Variants in NFRKB observed in about 807,000 individuals in gnomAD.
The protein encoded by NFRKB is nuclear factor related to kappa-B-binding protein.
Under a neutral mutation model 135.7 loss-of-function variants are expected in NFRKB, and 62 were observed. That is an observed-to-expected ratio of 0.46 (90% CI 0.37 to 0.56). The LOEUF is 0.56. Among genes scored for constraint, NFRKB ranks in the 20% least tolerant of loss-of-function variants. The probability of loss-of-function intolerance (pLI) is 0.00; values close to 1 mark genes in which losing one functional copy is unlikely to be tolerated. For synonymous variants in NFRKB, 678 were observed against 635.6 expected (o/e 1.07, Z -1.00); for missense variants, 1,545 against 1,662.0 (o/e 0.93, Z 1.22).
rs1030467 is a variant in NFRKB, at chr11:129,874,357, T to C, written c.2059-24A>G. On this transcript the variant is annotated intron_variant, in intron 20 of 26. Coordinates refer to ENST00000682444, the MANE Select transcript of NFRKB (RefSeq NM_001143835.2). The surrounding 1 kb of genome is among the most constrained non-coding windows in gnomAD (Gnocchi z 4.5). The stretch of plus-strand genomic sequence containing the variant: ...TTCTAGAACGGAAGACAAAGAAAAC[T>C]CACCTGGTGTCGTGAAGATCCCCCT... 230,615 of 1,517,570 alleles carry C rather than the reference T, an allele frequency of 0.15. 18,759 individuals carry two copies. Among genetic ancestry groups the C allele is most frequent in the African/African-American group, 0.31 (22,267 of 71,576 alleles). The allele number at this position is 1,517,570 out of a possible 1,614,324, so 94.0% of individuals were successfully genotyped here.
intron 13 of NFRKB, among the ~76,000 whole-genome samples, chr11:129,879,782 C>T (rs1408957335): frequency 6.6e-6 from 1 of 152,312 alleles, no homozygotes; most frequent in Non-Finnish European, 1.5e-5. Flanking sequence ...CTGTGCCCTG[C>T]ACCACACACA....
rs113777122 is a variant in NFRKB, at chr11:129,893,745, T to C, written c.-22+614A>G. Among the ~76,000 whole-genome samples the C allele has an allele frequency of 1.6e-3, 249 of 152,300 alleles. 1 individual carries two copies. Among genetic ancestry groups the C allele is most frequent in the African/African-American group, 5.8e-3 (241 of 41,554 alleles). ...CCTACAACTGTGCAAAGTAAGGTCA[T>C]GGGTTATTACATCGGAATTAAAACT... On this transcript the variant is annotated intron_variant, in intron 2 of 26. Transcript: ENST00000682444.
chr11:129,887,388 C>A (rs1390631201), intron 4 of NFRKB, among the ~76,000 whole-genome samples: 5 of 152,186 alleles, frequency 3.3e-5, no homozygotes. Context: ...ACCGCAGACA[C>A]CCCTTAACCA....
At chr11:129,893,022 C>A in intron 2 of NFRKB, 152 bp from the exon 3 acceptor site, 1 of 1,476,102 alleles carries the variant, frequency 6.8e-7, no homozygotes, top group Non-Finnish European at 9.0e-7. Context: ...TCCTCCCTCC[C>A]TTTCACCACA....
In NFRKB at chr11:129,886,780, C is replaced by T. The variant is rs531246246; in HGVS notation, c.338-336G>A. On this transcript the variant is annotated intron_variant, in intron 4 of 26. Coordinates refer to ENST00000682444, the MANE Select transcript of NFRKB (RefSeq NM_001143835.2). ...TCCTTACCAGACGACCATACTGTTT[C>T]GGGGGAAACATGCCAGCAAAAGAGA... Among the ~76,000 whole-genome samples the T allele has an allele frequency of 1.6e-4, 25 of 152,240 alleles. No individual in the cohort carries two copies. In the East Asian group the frequency reaches 3.5e-3, roughly 21 times the overall value.
rs375435972 is a variant in NFRKB, at chr11:129,869,790, A to G, written c.3235T>C (p.Ser1079Pro). The G allele has an allele frequency of 6.2e-7, 1 of 1,614,112 alleles. No individual in the cohort carries two copies. Among genetic ancestry groups the G allele is most frequent in the Non-Finnish European group, 8.5e-7 (1 of 1,180,054 alleles). The change falls in exon 24 of 27, where the codon TCT (serine) becomes CCT (proline). Residue 1079 changes from serine to proline, a missense_variant. Around this residue, in one of 3 missense-constraint regions of NFRKB, gnomAD observed 753 missense variants for 804.3 expected, o/e 0.94. Transcript: ENST00000682444. ...GTGGCAGCTGGTTTTGCTTCTGAAG[A>G]GGCCACTGTGCTTTTTCCCTTCTGG... ...ADQKGKSTVASSEAKPAATIR... is the reference protein window; with the variant it reads ...ADQKGKSTVAPSEAKPAATIR...
rs1949082579 is a variant in NFRKB, at chr11:129,882,564, T to C, written c.969A>G (p.Ile323Met). 1 of 1,614,186 alleles carries C rather than the reference T, an allele frequency of 6.2e-7. No homozygotes were observed. ...CCTCTGCCTCTGATTTGATCGTTTT[T>C]ATTTTCTTCTTCTTCTTTTCCTCTT... ...KEKEEKKKKK[I>M]KTIKSEAEDL... Residue 323 changes from isoleucine to methionine, a missense_variant, in exon 10 of 27, where the codon ATA becomes ATG. Transcript: ENST00000682444.
rs936875054 is a variant in NFRKB at position 129,864,694 on chromosome 11, G to C, written c.*31C>G. 6.2e-7 allele frequency: 1 copy of C among 1,613,700 alleles called. No individual in the cohort carries two copies. The highest frequency in any genetic ancestry group is 8.5e-7 in the Non-Finnish European group (1 of 1,179,992). ...TTCTCAGCCAGGACAGACCAGGCATGGTCTTTCACGGAAGCCATCCTCTCT... is the reference window on the plus strand; with the variant it reads ...TTCTCAGCCAGGACAGACCAGGCATCGTCTTTCACGGAAGCCATCCTCTCT... On this transcript the variant is annotated 3_prime_UTR_variant, in exon 27 of 27. Coordinates refer to ENST00000682444, the MANE Select transcript of NFRKB (RefSeq NM_001143835.2).
rs148845897 is a variant in NFRKB, at chr11:129,874,816, C to T, written c.1955G>A (p.Arg652His). 1.1e-5 allele frequency: 17 copies of T among 1,614,164 alleles called. No individual in the cohort carries two copies. In the African/African-American group the frequency reaches 1.7e-4, roughly 16 times the overall value. The change falls in exon 19 of 27, where the codon CGT becomes CAT. Residue 652 changes from arginine (R) to histidine (H), a missense_variant. Physicochemically the swap from Arg to His is conservative, Grantham distance 29. Transcript: ENST00000682444. The surrounding 1 kb of genome is among the most constrained non-coding windows in gnomAD (Gnocchi z 4.5). ...IGRKLWIYLH[R>H]DRSEEEFERI... Reference sequence around the variant, plus strand: ...ACCAAACTCTTCTTCACTCCGGTCACGATGCAGGTAGATCCACAGCTTTCG... The same window carrying T: ...ACCAAACTCTTCTTCACTCCGGTCATGATGCAGGTAGATCCACAGCTTTCG...
chr11:129,887,314 C>A (rs575820332), intron 4 of NFRKB, among the ~76,000 whole-genome samples: 15 of 152,238 alleles, frequency 9.9e-5, no homozygotes, highest in Non-Finnish European at 2.1e-4. Context: ...TCCATGATCC[C>A]AAAGTATCAT....
At position 129,884,726 on chromosome 11, in the gene NFRKB, G is replaced by A. The variant is rs774339172; in HGVS notation, c.742+19C>T. ...ACCGCAATGTCCCAGAATGGTGACA[G>A]CGGCAGCTTGGTTCTCACCTGCAGT... On this transcript the variant is annotated intron_variant, in intron 7 of 26. Transcript: ENST00000682444. The A allele has an allele frequency of 1.2e-6, 2 of 1,612,926 alleles. No homozygotes were observed. The highest frequency in any genetic ancestry group is 1.7e-6 in the Non-Finnish European group (2 of 1,179,826).
chr11:129,886,309 C>A lies in NFRKB; in HGVS notation c.465+8G>T. On this transcript the variant is annotated splice_region_variant and intron_variant, in intron 5 of 26. Coordinates refer to ENST00000682444, the MANE Select transcript of NFRKB (RefSeq NM_001143835.2). The stretch of plus-strand genomic sequence containing the variant: ...CACATTTTATATCCAGTTCCCAGCA[C>A]TACTTACACTCCGGGAAGCAAGAAT... 6.2e-7 allele frequency: 1 copy of A among 1,613,590 alleles called. No homozygotes were observed. Among genetic ancestry groups the A allele is most frequent in the African/African-American group, 1.3e-5 (1 of 75,006 alleles).
Position 129,869,505 on chromosome 11 carries a change from T to C in NFRKB, c.3520A>G (p.Thr1174Ala), listed in dbSNP as rs1948386344. 2.5e-6 allele frequency: 4 copies of C among 1,609,606 alleles called. No individual in the cohort carries two copies. Among genetic ancestry groups the C allele is most frequent in the African/African-American group, 1.3e-5 (1 of 74,972 alleles). ...QVPVSTTVVS[T>A]SQAGKLPTRI... ...CACTAGTTACTCACAGCCTGGGACG[T>C]GGACACAACCGTGGTGCTGACAGGG... Residue 1174 changes from threonine to alanine, a missense_variant, in exon 24 of 27, where the codon ACG becomes GCG. Coordinates refer to ENST00000682444, the MANE Select transcript of NFRKB (RefSeq NM_001143835.2).
chr11:129,885,672 C>G, intron 5 of NFRKB, 63 bp from the exon 6 acceptor site: 2 of 1,452,110 alleles, frequency 1.4e-6, no homozygotes, highest in Non-Finnish European at 1.8e-6. Context: ...ACAATGAACA[C>G]TCTACAAGTC....
intron 24 of NFRKB, among the ~76,000 whole-genome samples, chr11:129,868,594 C>T (rs1291142703): frequency 6.6e-6 from 1 of 152,206 alleles, no homozygotes; most frequent in Admixed American, 6.5e-5. Context: ...CACACATAAG[C>T]CCAGACACAT....
intron 3 of NFRKB, among the ~76,000 whole-genome samples, chr11:129,889,966 G>GTA (rs1375429467): frequency 6.7e-6 from 1 of 150,026 alleles, no homozygotes; most frequent in East Asian, 2.0e-4. Context: ...GTGTGTGTGT[G>GTA]TGTGTGTGTG....
At position 129,864,734 on chromosome 11, in the gene NFRKB, C is replaced by T; in HGVS notation, c.3891G>A (p.Glu1297=). The change falls in exon 27 of 27, where the codon GAG becomes GAA. Residue 1297 remains glutamate, a synonymous_variant. Coordinates refer to ENST00000682444, the MANE Select transcript of NFRKB (RefSeq NM_001143835.2). The part of the protein sequence containing the change: ...TTAPSPKQAP[E]QQ ...CCATCCTCTCTCATAATCATTGTTGCTCAGGTGCCTGTTTAGGAGACGGAG... is the reference window on the plus strand; with the variant it reads ...CCATCCTCTCTCATAATCATTGTTGTTCAGGTGCCTGTTTAGGAGACGGAG... The T allele has an allele frequency of 1.9e-6, 3 of 1,614,196 alleles. No homozygotes were observed. The highest frequency in any genetic ancestry group is 2.5e-6 in the Non-Finnish European group (3 of 1,180,042).
chr11:129,870,359 T>C, intron 23 of NFRKB, 98 bp from the exon 24 acceptor site: 1 of 1,390,108 alleles, frequency 7.2e-7, no homozygotes, highest in Non-Finnish European at 9.8e-7. Context: ...AGATGTTTTG[T>C]ATTTTTTTTT....
chr11:129,883,144 A>G lies in NFRKB; in HGVS notation c.879T>C (p.Ala293=). The G allele has an allele frequency of 6.2e-7, 1 of 1,614,134 alleles. No individual in the cohort carries two copies. The change falls in exon 9 of 27, where the codon GCT becomes GCC. Residue 293 remains alanine (A), a synonymous_variant. Coordinates refer to ENST00000682444, the MANE Select transcript of NFRKB (RefSeq NM_001143835.2). The part of the protein sequence containing the change: ...TLNDIMTRVN[A]GRKGSLAALY... ...TACCTGCCAGAGAGCCCTTCCTGCCAGCATTTACTCGAGTCATGATGTCAT... is the reference window on the plus strand; with the variant it reads ...TACCTGCCAGAGAGCCCTTCCTGCCGGCATTTACTCGAGTCATGATGTCAT...
Sources: gnomAD v4.1 joint callset for allele counts (sites outside exome capture counted in the v4.1 genomes callset) on GRCh38, gnomAD v4.1.1 for gene constraint, gnomAD v4.1.1 regional missense constraint, Gnocchi (gnomAD v3.1) non-coding constraint, MANE v1.5 for transcripts, NCBI Gene and HGNC (gene_info 2026-07-23, HGNC 2026-07-21) for gene names.